The following FBXW5 variants were observed in gnomAD, a reference collection of about 807,000 sequenced individuals.
FBXW5 encodes F-box/WD repeat-containing protein 5.
FBXW5 carries 74 observed loss-of-function variants against 50.9 expected under a neutral mutation model. The observed-to-expected ratio is 1.45, with a 90% confidence interval of 1.20 to 1.76. FBXW5 has a LOEUF of 1.76. Ranked by LOEUF, FBXW5 falls within the 40% of genes most tolerant of loss-of-function variation. FBXW5 has a pLI of 0.00. For synonymous variants in FBXW5, 523 were observed against 362.2 expected (o/e 1.44, Z -5.04); for missense variants, 1,073 against 818.8 (o/e 1.31, Z -3.79).
In FBXW5 at chr9:136,942,204, C is replaced by A. The variant is rs768427187; in HGVS notation, c.938G>T (p.Arg313Leu). The change falls in exon 6 of 9, where the codon CGG (arginine) becomes CTG (leucine). Residue 313 changes from arginine (R) to leucine (L), a missense_variant. By Grantham distance (102) the Arg-to-Leu change is moderately radical (BLOSUM62 -2). Transcript: ENST00000325285. Reference protein sequence around the residue: ...RHFLDRVLEGRAQPQLSERML... With the variant: ...RHFLDRVLEGLAQPQLSERML... ...GCGCTCCGACAGCTGTGGCTGCGCC[C>A]GCCCCTCCAGCACGCGGTCCAGAAA... 1 of 1,593,328 alleles carries A rather than the reference C, an allele frequency of 6.3e-7. No homozygotes were observed. The highest frequency in any genetic ancestry group is 8.5e-7 in the Non-Finnish European group (1 of 1,171,234).
At chr9:136,944,448 C>T (rs1374615311) in intron 1 of FBXW5, 146 bp downstream of exon 1, 6 of 954,002 alleles carry the variant, frequency 6.3e-6, no homozygotes, top group African/African-American at 1.8e-5. Flanking sequence ...CAGTGGCCTC[C>T]GCCCTGCGGC....
rs139199346 is a variant in FBXW5 at position 136,940,934 on chromosome 9, C to T, written c.1695G>A (p.Arg565=). ...RTFFSWLASQ[R]R Reference sequence around the variant, plus strand: ...CCAGTGCACCCAGCACACCTCAGCGCCTCTGGCTGGCAAGCCAGGAGAAGA... The same window carrying T: ...CCAGTGCACCCAGCACACCTCAGCGTCTCTGGCTGGCAAGCCAGGAGAAGA... Residue 565 remains arginine, a synonymous_variant, in exon 9 of 9, where the codon AGG becomes AGA. Transcript: ENST00000325285. 219 of 1,576,866 alleles carry T rather than the reference C, an allele frequency of 1.4e-4. No homozygotes were observed. The highest frequency in any genetic ancestry group is 3.4e-4 in the Admixed American group (19 of 56,280).
At position 136,943,911 on chromosome 9, in the gene FBXW5, C is replaced by A; in HGVS notation, c.173G>T (p.Arg58Leu). The part of the protein sequence containing the change: ...EQFYRYYQVA[R>L]DVPRHPAAMS... ...CTGACCTGGGTGTCGGGGCACGTCG[C>A]GGGCCACCTGGTAGTAGCGGTAGAA... is the stretch of plus-strand genomic sequence containing the variant. Residue 58 changes from arginine to leucine, a missense_variant, in exon 2 of 9, where the codon CGC becomes CTC. Arg to Leu is a moderately radical substitution (Grantham distance 102). Coordinates refer to ENST00000325285, the MANE Select transcript of FBXW5 (RefSeq NM_018998.4). 1.9e-6 allele frequency: 3 copies of A among 1,550,274 alleles called. No individual in the cohort carries two copies. Among genetic ancestry groups the A allele is most frequent in the Non-Finnish European group, 1.7e-6 (2 of 1,147,070 alleles).
rs571822652 is a variant in FBXW5, at chr9:136,944,098, C to T, written c.-15G>A. On this transcript the variant is annotated 5_prime_UTR_variant, in exon 2 of 9. An upstream open reading frame in the 5' UTR gains an earlier in-frame stop. Coordinates refer to ENST00000325285, the MANE Select transcript of FBXW5 (RefSeq NM_018998.4). ...CCCTCGTCCATCGTGACATTCTGCC[C>T]AGGCGGCCCTGAAACCCACCAACGG... 39 of 1,575,388 alleles carry T rather than the reference C, an allele frequency of 2.5e-5. No homozygotes were observed. Among genetic ancestry groups the T allele is most frequent in the African/African-American group, 9.5e-5 (7 of 73,974 alleles).
rs7850438 is a variant in FBXW5, at chr9:136,942,124, C to A, written c.1018G>T (p.Glu340Ter). 4.3e-6 allele frequency: 7 copies of A among 1,611,930 alleles called. No individual in the cohort carries two copies. In the South Asian group the frequency reaches 7.7e-5, roughly 18 times the overall value. ...LLAQGHTKPP[E>*]RSATGAKSKY... ...CTCTTGGCGCCTGTGGCACTGCGCT[C>A]GGGTGGCTTGGTGTGGCCCTGGGCC... The change falls in exon 6 of 9, where the codon GAG (glutamate) becomes TAG (stop). Residue 340 changes from glutamate (E) to a stop codon, truncating the protein, a stop_gained. Coordinates refer to ENST00000325285, the MANE Select transcript of FBXW5 (RefSeq NM_018998.4). LOFTEE classifies it high-confidence loss of function.
rs1307202880 is a variant in FBXW5, at chr9:136,942,929, G to GTCGT, written c.362_365dup (p.Asp122GlufsTer70). The GTCGT allele has an allele frequency of 6.2e-7, 1 of 1,613,286 alleles. No homozygotes were observed. Among genetic ancestry groups the GTCGT allele is most frequent in the Non-Finnish European group, 8.5e-7 (1 of 1,179,948 alleles). ...CGCTGTGCAGCAGCGAGATGGTCAG[G>GTCGT]TCGTTGCTCCAGATCTGTTCGGCAG... On this transcript the variant is annotated frameshift_variant, in exon 4 of 9. Coordinates refer to ENST00000325285, the MANE Select transcript of FBXW5 (RefSeq NM_018998.4). LOFTEE classifies it high-confidence loss of function.
At position 136,941,559 on chromosome 9, in the gene FBXW5, T is replaced by C; in HGVS notation, c.1222A>G (p.Met408Val). Reference sequence around the variant, plus strand: ...CACCTGTTGTCGGGCGACAGGCCCATGCCGATGATGTGTCCGTGTATGTCT... The same window carrying C: ...CACCTGTTGTCGGGCGACAGGCCCACGCCGATGATGTGTCCGTGTATGTCT... Reference protein sequence around the residue: ...VIDIHGHIIGMGLSPDNRYLY... With the variant: ...VIDIHGHIIGVGLSPDNRYLY... Residue 408 changes from methionine to valine, a missense_variant, in exon 7 of 9, where the codon ATG becomes GTG. Coordinates refer to ENST00000325285, the MANE Select transcript of FBXW5 (RefSeq NM_018998.4). The C allele has an allele frequency of 1.9e-6, 3 of 1,609,730 alleles. No individual in the cohort carries two copies. Among genetic ancestry groups the C allele is most frequent in the Non-Finnish European group, 2.5e-6 (3 of 1,179,412 alleles).
chr9:136,940,791 CGT>C lies in FBXW5; in HGVS notation c.*135_*136del. The C allele has an allele frequency of 7.7e-7, 1 of 1,306,246 alleles. No individual in the cohort carries two copies. Among genetic ancestry groups the C allele is most frequent in the South Asian group, 1.5e-5 (1 of 68,084 alleles). The allele number at this position is 1,306,246 out of a possible 1,614,324, so 80.9% of individuals were successfully genotyped here. On this transcript the variant is annotated 3_prime_UTR_variant, in exon 9 of 9. Coordinates refer to ENST00000325285, the MANE Select transcript of FBXW5 (RefSeq NM_018998.4). ...CTGCGTGAGCAGGTTTGTGTGTGAG[CGT>C]GTGGCGGGGCCTGGTTGTCCCCTTC...
chr9:136,940,774 G>A lies in FBXW5; in HGVS notation c.*154C>T, dbSNP rs1164750436. On this transcript the variant is annotated 3_prime_UTR_variant, in exon 9 of 9. Transcript: ENST00000325285. ...CGTGCCAAGCATCACAGCTGCGTGA[G>A]CAGGTTTGTGTGTGAGCGTGTGGCG... The A allele has an allele frequency of 1.6e-6, 2 of 1,216,590 alleles. No individual in the cohort carries two copies. Among genetic ancestry groups the A allele is most frequent in the Non-Finnish European group, 1.1e-6 (1 of 894,708 alleles). 75.4% of individuals were successfully genotyped at this position (1,216,590 alleles called of 1,614,324 possible). A position where few individuals can be genotyped will look rare whatever the true frequency, so the allele number is the denominator to read the frequency against.
chr9:136,943,374 G>C lies in FBXW5; in HGVS notation c.326C>G (p.Ser109Cys), dbSNP rs967395432. 1 of 1,612,880 alleles carries C rather than the reference G, an allele frequency of 6.2e-7. No homozygotes were observed. Among genetic ancestry groups the C allele is most frequent in the Non-Finnish European group, 8.5e-7 (1 of 1,179,946 alleles). ...CTTCACAGTGCAGTCCTTGGAGCAG[G>C]ACGCGAACTGGTACCCGGAATGGGA... ...SFSHSGYQFA[S>C]CSKDCTVKIW... The change falls in exon 3 of 9, where the codon TCC becomes TGC. Residue 109 changes from serine (S) to cysteine (C), a missense_variant. Physicochemically the swap from Ser to Cys is moderately radical, Grantham distance 112. Coordinates refer to ENST00000325285, the MANE Select transcript of FBXW5 (RefSeq NM_018998.4).
In FBXW5 at chr9:136,941,689, A is replaced by AGG. The variant is rs1850776851; in HGVS notation, c.1097-7_1097-6dup. The stretch of plus-strand genomic sequence containing the variant: ...GTGGCAGGATCTGCTTGATGCCTGC[A>AGG]GGGAGGGCTACGGTGAGGGTCCCTG... On this transcript the variant is annotated splice_polypyrimidine_tract_variant and splice_region_variant and intron_variant, in intron 6 of 8. Coordinates refer to ENST00000325285, the MANE Select transcript of FBXW5 (RefSeq NM_018998.4). The AGG allele has an allele frequency of 3.9e-6, 6 of 1,552,498 alleles. No individual in the cohort carries two copies. In the East Asian group the frequency reaches 1.5e-4, roughly 38 times the overall value.
chr9:136,942,134 G>GGT lies in FBXW5; in HGVS notation c.1006_1007dup (p.Lys337ProfsTer40). On this transcript the variant is annotated frameshift_variant, in exon 6 of 9. Transcript: ENST00000325285. LOFTEE classifies it high-confidence loss of function. ...CTGTGGCACTGCGCTCGGGTGGCTT[G>GGT]GTGTGGCCCTGGGCCAGCAGCTCGG... 6 of 1,611,330 alleles carry GGT rather than the reference G, an allele frequency of 3.7e-6. No homozygotes were observed. The South Asian group carries it at 6.6e-5, about 18-fold the overall frequency.
chr9:136,944,674 C>A lies in FBXW5; in HGVS notation c.-104G>T. On this transcript the variant is annotated 5_prime_UTR_variant, in exon 1 of 9. Coordinates refer to ENST00000325285, the MANE Select transcript of FBXW5 (RefSeq NM_018998.4). ...CCGCTGCCGCAGCCGCTCGGACCGC[C>A]GCCCCCGCCCAACGGGGAGCCCGCC... 1 of 985,924 alleles carries A rather than the reference C, an allele frequency of 1.0e-6. No individual in the cohort carries two copies. Among genetic ancestry groups the A allele is most frequent in the South Asian group, 4.5e-5 (1 of 21,998 alleles). The allele number at this position is 985,924 out of a possible 1,614,324, so 61.1% of individuals were successfully genotyped here.
rs769055293 is a variant in FBXW5 at position 136,941,283 on chromosome 9, G to A, written c.1425C>T (p.Ile475=). 1.9e-5 allele frequency: 31 copies of A among 1,607,690 alleles called. No homozygotes were observed. The highest frequency in any genetic ancestry group is 3.3e-5 in the South Asian group (3 of 91,066). Residue 475 remains isoleucine (I), a synonymous_variant, in exon 8 of 9, where the codon ATC becomes ATT. Coordinates refer to ENST00000325285, the MANE Select transcript of FBXW5 (RefSeq NM_018998.4). ...AYTPNDECFF[I]FLDVSRDFVA... is the part of the protein sequence containing the mutation. The stretch of plus-strand genomic sequence containing the variant: ...CGAAGTCCCTGCTGACGTCCAGGAA[G>A]ATGAAGAAGCACTCGTCGTTGGGCG...
At position 136,940,834 on chromosome 9, in the gene FBXW5, T is replaced by C; in HGVS notation, c.*94A>G. 1.4e-6 allele frequency: 2 copies of C among 1,478,336 alleles called. No individual in the cohort carries two copies. The highest frequency in any genetic ancestry group is 1.8e-6 in the Non-Finnish European group (2 of 1,112,802). The allele number at this position is 1,478,336 out of a possible 1,614,324, so 91.6% of individuals were successfully genotyped here. A position where few individuals can be genotyped will look rare whatever the true frequency, so the allele number is the denominator to read the frequency against. On this transcript the variant is annotated 3_prime_UTR_variant, in exon 9 of 9. Transcript: ENST00000325285. ...TGTCCCCTTCCTAAGGCGTAACTGCTATAAGCATCTCCACCTCTCCCGCTC... is the reference window on the plus strand; with the variant it reads ...TGTCCCCTTCCTAAGGCGTAACTGCCATAAGCATCTCCACCTCTCCCGCTC...
chr9:136,942,729 C>T (rs566880015), intron 4 of FBXW5, 34 bp from the exon 5 acceptor site: 24 of 1,610,902 alleles, frequency 1.5e-5, no homozygotes, highest in Non-Finnish European at 1.8e-5. Flanking sequence ...AGGCTGTCGG[C>T]GTGGGGCGGG....
rs1420491534 is a variant in FBXW5, at chr9:136,941,636, A to C, written c.1145T>G (p.Leu382Arg). 2.5e-6 allele frequency: 4 copies of C among 1,575,870 alleles called. No individual in the cohort carries two copies. In the Admixed American group the frequency reaches 5.5e-5, roughly 22 times the overall value. ...PHQMTTAGPVLGEGRGSDAFF... is the reference protein window; with the variant it reads ...PHQMTTAGPVRGEGRGSDAFF... The stretch of plus-strand genomic sequence containing the variant: ...GGCATCGGAGCCCCGGCCCTCACCC[A>C]GCACGGGCCCTGCCGTGGTCATCTG... The change falls in exon 7 of 9, where the codon CTG becomes CGG. Residue 382 changes from leucine to arginine, a missense_variant. Physicochemically the swap from Leu to Arg is moderately radical, Grantham distance 102. Coordinates refer to ENST00000325285, the MANE Select transcript of FBXW5 (RefSeq NM_018998.4).
rs576213493 is a variant in FBXW5 at position 136,943,658 on chromosome 9, T to C, written c.194-152A>G. On this transcript the variant is annotated intron_variant, in intron 2 of 8. Coordinates refer to ENST00000325285, the MANE Select transcript of FBXW5 (RefSeq NM_018998.4). ...GCCTCGGCTGGGGGATTCAACCCTG[T>C]AGCTCACAGAGACCCCTGTACCCCC... 3.4e-6 allele frequency: 4 copies of C among 1,185,106 alleles called. No individual in the cohort carries two copies. The East Asian group carries it at 7.7e-5, about 23-fold the overall frequency. The allele number at this position is 1,185,106 out of a possible 1,614,324, so 73.4% of individuals were successfully genotyped here.
intron 1 of FBXW5, 41 bp from the exon 2 acceptor site, chr9:136,944,147 AG>A (rs1850936995): frequency 8.1e-6 from 12 of 1,489,012 alleles, no homozygotes. Context: ...AGGCCCGGGA[AG>A]GGAGGCCGAG....
Sources: allele counts gnomAD v4.1 joint callset, GRCh38; gene constraint gnomAD v4.1.1; transcripts MANE v1.5; gene names NCBI Gene and HGNC (gene_info 2026-07-23, HGNC 2026-07-21).